Variants in DOC2A observed in about 807,000 individuals in gnomAD.
The protein encoded by DOC2A is double C2-like domain-containing protein alpha.
A neutral mutation model predicts 40.6 loss-of-function variants in DOC2A; 28 were observed. That is an observed-to-expected ratio of 0.69 (90% CI 0.51 to 0.95). The LOEUF (loss-of-function observed/expected upper bound fraction) is 0.95, where lower values mean the gene tolerates loss of function less well. Ranked by LOEUF, DOC2A falls within the 40% of genes least tolerant of loss-of-function variation. The pLI is 0.00. For missense variants in DOC2A, 474 were observed against 552.5 expected (o/e 0.86, Z 1.42); for synonymous variants, 241 against 236.9 (o/e 1.02, Z -0.16).
rs2070546244 is a variant in DOC2A, at chr16:30,005,525, T to C, written c.*661A>G. On this transcript the variant is annotated 3_prime_UTR_variant, in exon 11 of 11. Coordinates refer to ENST00000350119, the MANE Select transcript of DOC2A (RefSeq NM_003586.3). ...CACACGAGTCCAGCTTCCTCGGAGG[T>C]GTTTATTGATGCCCAGCTGCCATGC... 1 of 1,257,890 alleles carries C rather than the reference T, an allele frequency of 7.9e-7. No individual in the cohort carries two copies. The allele number at this position is 1,257,890 out of a possible 1,614,324, so 77.9% of individuals were successfully genotyped here.
At chr16:30,018,042 G>GA (rs1208569269) in intron 1 of DOC2A, among the ~76,000 whole-genome samples, 2 of 144,414 alleles carry the variant, frequency 1.4e-5, no homozygotes, top group African/African-American at 5.1e-5. Flanking sequence ...AAGGCAGGAG[G>GA]ATCCCTTGAG....
chr16:30,007,464 T>G, intron 5 of DOC2A, 165 bp from the exon 6 acceptor site: 1 of 898,600 alleles, frequency 1.1e-6, no homozygotes, highest in Non-Finnish European at 1.7e-6. Context: ...CCTCTGTCCC[T>G]CCCTCTGCAG....
Position 30,006,545 on chromosome 16 carries a change from C to T in DOC2A, c.961-36G>A, listed in dbSNP as rs1415928723. On this transcript the variant is annotated intron_variant, in intron 9 of 10. Coordinates refer to ENST00000350119, the MANE Select transcript of DOC2A (RefSeq NM_003586.3). This position sits in a 1 kb window ranked among gnomAD's most constrained non-coding sequence, Gnocchi z 6.2. The stretch of plus-strand genomic sequence containing the variant: ...GGCCGGCCACCCGTTCGTGAGCCAG[C>T]TCCCCAGCCCCTCCCTGGCCTCCCT... The T allele has an allele frequency of 6.2e-7, 1 of 1,613,552 alleles. No homozygotes were observed.
chr16:30,016,039 ATATATATATATATATATTTTTTTT>A (rs1464060278), upstream of DOC2A, among the ~76,000 whole-genome samples: 11 of 55,446 alleles, frequency 2.0e-4, no homozygotes, highest in South Asian at 6.2e-4. Flanking sequence ...ATATATATAT[ATATATATATATATATATTTTTTTT>A]TTTTTTTTTT....
chr16:30,010,025 G>A lies in DOC2A; in HGVS notation c.198C>T (p.Ala66=). The A allele has an allele frequency of 3.1e-6, 5 of 1,612,140 alleles. No homozygotes were observed. The highest frequency in any genetic ancestry group is 2.7e-5 in the African/African-American group (2 of 75,002). Residue 66 remains alanine, a synonymous_variant, in exon 2 of 11, where the codon GCC becomes GCT. Transcript: ENST00000350119. The surrounding 1 kb of genome is among the most constrained non-coding windows in gnomAD (Gnocchi z 4.2). ...LVPLALAPPA[A]LLGATTPEDG... ...CCTCAGGCGTGGTGGCCCCAAGGAG[G>A]GCTGCAGGGGGGGCCAGAGCCAGGG... is the stretch of plus-strand genomic sequence containing the variant.
rs1294674546 is a variant in DOC2A, at chr16:30,010,378, T to C, written c.-13-143A>G. On this transcript the variant is annotated intron_variant, in intron 1 of 10. Transcript: ENST00000350119. This position sits in a 1 kb window ranked among gnomAD's most constrained non-coding sequence, Gnocchi z 4.2. ...GGAGAGGGTGGTGTGTGCCAGCCGG[T>C]GGCAGGTGGGAGGCCTGGGCCCTGC... 8 of 1,200,472 alleles carry C rather than the reference T, an allele frequency of 6.7e-6. No individual in the cohort carries two copies. Among genetic ancestry groups the C allele is most frequent in the Non-Finnish European group, 9.6e-6 (8 of 834,420 alleles). 74.4% of individuals were successfully genotyped at this position (1,200,472 alleles called of 1,614,324 possible). A position where few individuals can be genotyped will look rare whatever the true frequency, so the allele number is the denominator to read the frequency against.
rs2070637022 is a variant in DOC2A at position 30,007,159 on chromosome 16, G to A, written c.654+14C>T. ...GGCCCCCTCCCCTGGCGCCCCTGCA[G>A]CCCCCACACAGACCGGGACCTGGCG... On this transcript the variant is annotated intron_variant, in intron 6 of 10. Transcript: ENST00000350119. 1 of 1,613,812 alleles carries A rather than the reference G, an allele frequency of 6.2e-7. No individual in the cohort carries two copies. The highest frequency in any genetic ancestry group is 8.5e-7 in the Non-Finnish European group (1 of 1,179,998).
At position 30,005,583 on chromosome 16, in the gene DOC2A, AC is replaced by A; in HGVS notation, c.*602del. The A allele has an allele frequency of 1.2e-6, 1 of 821,852 alleles. No homozygotes were observed. The highest frequency in any genetic ancestry group is 2.0e-6 in the Non-Finnish European group (1 of 512,284). 50.9% of individuals were successfully genotyped at this position (821,852 alleles called of 1,614,324 possible). A position where few individuals can be genotyped will look rare whatever the true frequency, so the allele number is the denominator to read the frequency against. Reference sequence around the variant, plus strand: ...ACTGACACAACCAGAAAAGGCGTAAACATGCACGGGTGTCCCCCAGGAGGGT... The same window carrying A: ...ACTGACACAACCAGAAAAGGCGTAAAATGCACGGGTGTCCCCCAGGAGGGT... On this transcript the variant is annotated 3_prime_UTR_variant, in exon 11 of 11. Coordinates refer to ENST00000350119, the MANE Select transcript of DOC2A (RefSeq NM_003586.3).
chr16:30,016,044 TATATA>T (rs2070852219), upstream of DOC2A, among the ~76,000 whole-genome samples: 1 of 25,818 alleles, frequency 3.9e-5, no homozygotes, highest in African/African-American at 1.3e-4. Context: ...TATATATATA[TATATA>T]TATATATTTT....
At chr16:30,016,055 ATTTTT>A (rs59271933), upstream of DOC2A, among the ~76,000 whole-genome samples, 8 of 16,886 alleles carry the variant, frequency 4.7e-4, no homozygotes, top group African/African-American at 1.9e-3. Flanking sequence ...ATATATATAT[ATTTTT>A]TTTTTTTTTT....
upstream of DOC2A, among the ~76,000 whole-genome samples, chr16:30,016,044 TATATATATATA>T (rs1408266157): frequency 7.7e-5 from 2 of 25,814 alleles, no homozygotes; most frequent in African/African-American, 1.3e-4. Context: ...TATATATATA[TATATATATATA>T]TTTTTTTTTT....
chr16:30,011,384 C>T (rs1434467495), upstream of DOC2A: 7 of 985,178 alleles, frequency 7.1e-6, no homozygotes, highest in Admixed American at 4.3e-4. Flanking sequence ...CCTGCGCCAC[C>T]AGGAAGCAGC....
At chr16:30,016,163 C>T (rs1380180313), upstream of DOC2A, among the ~76,000 whole-genome samples, 2 of 145,510 alleles carry the variant, frequency 1.4e-5, no homozygotes, top group African/African-American at 5.2e-5. Flanking sequence ...AGGTTCAAGC[C>T]TCAGCCTCCC....
At chr16:30,020,837 A>G (rs1425453040) in intron 1 of DOC2A, among the ~76,000 whole-genome samples, 1 of 151,648 alleles carries the variant, frequency 6.6e-6, no homozygotes, top group African/African-American at 2.4e-5. Context: ...ACAGACAGAG[A>G]CTCCATCTAA....
At chr16:30,013,958 G>A (rs1441350400), upstream of DOC2A, among the ~76,000 whole-genome samples, 3 of 151,952 alleles carry the variant, frequency 2.0e-5, no homozygotes, top group Non-Finnish European at 2.9e-5. Context: ...CTCATGATCC[G>A]CCTGCTTCGG....
At chr16:30,011,371 C>G, upstream of DOC2A, 1 of 985,332 alleles carries the variant, frequency 1.0e-6, no homozygotes, top group Non-Finnish European at 1.2e-6. Context: ...AACACGCGGG[C>G]TCCCTGCGCC....
chr16:30,014,172 C>CTT (rs772684029), upstream of DOC2A, among the ~76,000 whole-genome samples: 169 of 131,860 alleles, frequency 1.3e-3, 12 homozygotes, highest in Middle Eastern at 3.9e-3. Context: ...TTAGAATCAT[C>CTT]TTTTTTTTTT....
chr16:30,016,020 AATATATATATATATAT>A (rs1161591964), upstream of DOC2A, among the ~76,000 whole-genome samples: 172 of 61,152 alleles, frequency 2.8e-3, 6 homozygotes, highest in Middle Eastern at 0.011. Flanking sequence ...CCAGCACAAT[AATATATATATATATAT>A]ATATATATAT....
chr16:30,009,939 G>T lies in DOC2A; in HGVS notation c.262+22C>A. ...CTGGAGACCCCCACCAGCACATGGG[G>T]CCTCCAAGCCCCCAGACTCACTGGC... On this transcript the variant is annotated intron_variant, in intron 2 of 10. Coordinates refer to ENST00000350119, the MANE Select transcript of DOC2A (RefSeq NM_003586.3). The surrounding 1 kb of genome is among the most constrained non-coding windows in gnomAD (Gnocchi z 4.1). The T allele has an allele frequency of 1.2e-6, 2 of 1,610,738 alleles. No individual in the cohort carries two copies. The highest frequency in any genetic ancestry group is 1.7e-6 in the Non-Finnish European group (2 of 1,179,632).
Sources: allele counts gnomAD v4.1 joint callset (sites outside exome capture counted in the v4.1 genomes callset), GRCh38; gene constraint gnomAD v4.1.1; non-coding constraint Gnocchi (gnomAD v3.1); transcripts MANE v1.5; gene names NCBI Gene and HGNC (gene_info 2026-07-23, HGNC 2026-07-21).